CFHR3: variants seen among roughly 807,000 people sequenced by gnomAD.
The protein encoded by CFHR3 is complement factor H-related protein 3.
In CFHR3, 22 loss-of-function variants were observed where a neutral mutation model predicts 36.0. The observed-to-expected ratio is 0.61, with a 90% CI of 0.44 to 0.87. CFHR3 has a LOEUF of 0.87. CFHR3 is among the 40% of genes least tolerant of loss of function. The pLI, the probability that CFHR3 is intolerant of heterozygous loss-of-function variation, is 0.00. For synonymous variants in CFHR3, 97 were observed against 137.4 expected (o/e 0.71, Z 2.06); for missense variants, 276 against 401.3 (o/e 0.69, Z 2.67).
At position 196,787,869 on chromosome 1, in the gene CFHR3, T is replaced by C. The variant is rs1654270233; in HGVS notation, c.431-347T>C. Among the ~76,000 whole-genome samples the C allele has an allele frequency of 1.5e-5, 2 of 136,908 alleles. 1 individual carries two copies. The highest frequency in any genetic ancestry group is 3.1e-5 in the Non-Finnish European group (2 of 64,552). The allele number at this position is 136,908 out of a possible 152,430, so 89.8% of individuals were successfully genotyped here. A position where few individuals can be genotyped will look rare whatever the true frequency, so the allele number is the denominator to read the frequency against. ...AATGAGGTTTAAGACCCCTTAATAG[T>C]ACCAAAAATACTCAGGTTGTTGCAA... On this transcript the variant is annotated intron_variant, in intron 3 of 5. Transcript: ENST00000367425.
chr1:196,787,183 C>A (rs1234710208), intron 3 of CFHR3, among the ~76,000 whole-genome samples: 3 of 137,268 alleles, frequency 2.2e-5, no homozygotes, highest in Non-Finnish European at 3.1e-5. Flanking sequence ...CTGTCCTCAA[C>A]AATAGCCTAA....
rs1488969968 is a variant in CFHR3 at position 196,791,924 on chromosome 1, T to C, written c.797-1393T>C. Among the ~76,000 whole-genome samples, 9 of 135,584 alleles carry C rather than the reference T, an allele frequency of 6.6e-5. 2 individuals carry two copies. Among genetic ancestry groups the C allele is most frequent in the East Asian group, 3.9e-4 (2 of 5,070 alleles). 88.9% of individuals were successfully genotyped at this position (135,584 alleles called of 152,430 possible). A position where few individuals can be genotyped will look rare whatever the true frequency, so the allele number is the denominator to read the frequency against. On this transcript the variant is annotated intron_variant, in intron 5 of 5. Coordinates refer to ENST00000367425, the MANE Select transcript of CFHR3 (RefSeq NM_021023.6). The stretch of plus-strand genomic sequence containing the variant: ...AAAGGATTATAATTATCTGAAGATA[T>C]AAGATCAGTTCTATGATACAAGCAA...
Position 196,793,618 on chromosome 1 carries a change from T to G in CFHR3, c.*105T>G. On this transcript the variant is annotated 3_prime_UTR_variant, in exon 6 of 6. Transcript: ENST00000367425. ...TAGCTTCTGATATTGTTGTAATTTC[T>G]ACTTTATTTCAAAGAAAATTAATAT... The G allele has an allele frequency of 9.0e-7, 1 of 1,105,654 alleles. No homozygotes were observed. Among genetic ancestry groups the G allele is most frequent in the Non-Finnish European group, 1.3e-6 (1 of 780,686 alleles). The allele number at this position is 1,105,654 out of a possible 1,614,324, so 68.5% of individuals were successfully genotyped here.
Position 196,791,832 on chromosome 1 carries a change from G to A in CFHR3, c.797-1485G>A, listed in dbSNP as rs1339149796. On this transcript the variant is annotated intron_variant, in intron 5 of 5. Coordinates refer to ENST00000367425, the MANE Select transcript of CFHR3 (RefSeq NM_021023.6). ...CTGAGTCTTAAATTTGATTGACTGA[G>A]GAGATGGACACTCCTAAGATGGGTT... Among the ~76,000 whole-genome samples, 2 of 136,140 alleles carry A rather than the reference G, an allele frequency of 1.5e-5. 1 individual carries two copies. Among genetic ancestry groups the A allele is most frequent in the African/African-American group, 6.2e-5 (2 of 32,308 alleles). The allele number at this position is 136,140 out of a possible 152,430, so 89.3% of individuals were successfully genotyped here. A position where few individuals can be genotyped will look rare whatever the true frequency, so the allele number is the denominator to read the frequency against.
intron 3 of CFHR3, among the ~76,000 whole-genome samples, chr1:196,787,811 C>T (rs1304912280): frequency 1.5e-5 from 2 of 136,786 alleles, no homozygotes; most frequent in South Asian, 2.6e-4. Context: ...GCAGGGTGTA[C>T]CGTATCTTTG....
chr1:196,780,015 C>G, intron 3 of CFHR3, 42 bp downstream of exon 3: 1 of 1,527,590 alleles, frequency 6.5e-7, no homozygotes, highest in Non-Finnish European at 8.9e-7. Context: ...TCATGTCTTT[C>G]TAAGTAACAC....
chr1:196,781,927 T>A (rs1259736709), intron 3 of CFHR3, among the ~76,000 whole-genome samples: 1 of 137,362 alleles, frequency 7.3e-6, no homozygotes, highest in Admixed American at 7.0e-5. Context: ...AGGGTTTTTA[T>A]GGTGTTAGGT....
intron 3 of CFHR3, among the ~76,000 whole-genome samples, chr1:196,781,372 A>G (rs590879): frequency 0.25 from 33,613 of 134,178 alleles, 8,771 homozygotes; most frequent in East Asian, 0.51. Context: ...CTGAGGAATC[A>G]CCACACTGTC....
intron 3 of CFHR3, among the ~76,000 whole-genome samples, chr1:196,785,339 G>GC (rs1654152212): frequency 7.5e-6 from 1 of 133,834 alleles, no homozygotes; most frequent in African/African-American, 3.2e-5. Flanking sequence ...TCCTGAATCT[G>GC]AATGTTGGCC....
intron 5 of CFHR3, among the ~76,000 whole-genome samples, chr1:196,792,559 A>G (rs1218269741): frequency 2.3e-5 from 3 of 129,638 alleles, no homozygotes; most frequent in East Asian, 4.0e-4. Flanking sequence ...TTTTTACAAA[A>G]GAATTTTATA....
intron 3 of CFHR3, among the ~76,000 whole-genome samples, chr1:196,785,387 C>T (rs1226148924): frequency 7.4e-6 from 1 of 134,434 alleles, no homozygotes; most frequent in Non-Finnish European, 1.6e-5. Context: ...TGGATAATAT[C>T]CTGCAGAGTG....
chr1:196,794,694 T>G lies in CFHR3; in HGVS notation c.*1181T>G, dbSNP rs1227822438. 1.9e-5 allele frequency: 6 copies of G among 318,676 alleles called. 1 individual carries two copies. The highest frequency in any genetic ancestry group is 3.6e-5 in the Non-Finnish European group (6 of 164,474). The allele number at this position is 318,676 out of a possible 1,614,324, so 19.7% of individuals were successfully genotyped here. On this transcript the variant is annotated 3_prime_UTR_variant, in exon 6 of 6. Transcript: ENST00000367425. The stretch of plus-strand genomic sequence containing the variant: ...ACTTTTCTTTGTATATAAGGATTTT[T>G]TGAAAAGATTGTATATCCCTGTTAA...
Position 196,781,470 on chromosome 1 carries a change from CCTGA to C in CFHR3, c.430+1500_430+1503del, listed in dbSNP as rs1396205555. ...ACATCCTCTCCAGCACCTGTTGTTT[CCTGA>C]CTTTTTAATGATTGCCATTCTAACT... is the stretch of plus-strand genomic sequence containing the variant. On this transcript the variant is annotated intron_variant, in intron 3 of 5. Transcript: ENST00000367425. Among the ~76,000 whole-genome samples, 14 of 134,020 alleles carry C rather than the reference CCTGA, an allele frequency of 1.0e-4. 3 individuals are homozygous for C. The highest frequency in any genetic ancestry group is 1.0e-3 in the Admixed American group (14 of 13,928). The allele number at this position is 134,020 out of a possible 152,430, so 87.9% of individuals were successfully genotyped here. A position where few individuals can be genotyped will look rare whatever the true frequency, so the allele number is the denominator to read the frequency against.
rs1299880203 is a variant in CFHR3, at chr1:196,786,316, C to A, written c.431-1900C>A. On this transcript the variant is annotated intron_variant, in intron 3 of 5. Transcript: ENST00000367425. ...GATCTCCAGCTGCGTGCTGGGAGAA[C>A]CACTGCTCTCTTCAAAGCTGTCAGA... Among the ~76,000 whole-genome samples, 4 of 134,910 alleles carry A rather than the reference C, an allele frequency of 3.0e-5. 2 individuals are homozygous for A. The allele number at this position is 134,910 out of a possible 152,430, so 88.5% of individuals were successfully genotyped here.
At chr1:196,782,346 A>G (rs1292103399) in intron 3 of CFHR3, among the ~76,000 whole-genome samples, 3 of 137,098 alleles carry the variant, frequency 2.2e-5, no homozygotes, top group Admixed American at 7.0e-5. Flanking sequence ...GAAGAAAGTC[A>G]TTGGTAGCTT....
Position 196,788,370 on chromosome 1 carries a change from T to A in CFHR3, c.585T>A (p.Asn195Lys), listed in dbSNP as rs1248549636. 17 of 1,530,256 alleles carry A rather than the reference T, an allele frequency of 1.1e-5. 1 individual carries two copies. Among genetic ancestry groups the A allele is most frequent in the Non-Finnish European group, 1.3e-5 (15 of 1,132,088 alleles). 94.8% of individuals were successfully genotyped at this position (1,530,256 alleles called of 1,614,324 possible). ...CAGGATCAATTACATGTTTGCAAAA[T>A]GGATGGTCAGCACAACCAATTTGCA... ...NSSGSITCLQ[N>K]GWSAQPICIN... Residue 195 changes from asparagine to lysine, a missense_variant, in exon 4 of 6, where the codon AAT (asparagine) becomes AAA (lysine). By Grantham distance (94) the Asn-to-Lys change is moderately conservative. Coordinates refer to ENST00000367425, the MANE Select transcript of CFHR3 (RefSeq NM_021023.6).
chr1:196,780,858 A>T (rs1423161184), intron 3 of CFHR3, among the ~76,000 whole-genome samples: 2 of 132,872 alleles, frequency 1.5e-5, no homozygotes, highest in Non-Finnish European at 3.2e-5. Flanking sequence ...TGTGCAGGTT[A>T]GTTACATATG....
chr1:196,793,277 G>A, intron 5 of CFHR3, 40 bp from the exon 6 acceptor site: 1 of 1,451,172 alleles, frequency 6.9e-7, no homozygotes, highest in Non-Finnish European at 9.3e-7. Flanking sequence ...GCTCATGAAA[G>A]AGAAAATTAT....
At chr1:196,783,118 T>G (rs1354911782) in intron 3 of CFHR3, among the ~76,000 whole-genome samples, 2 of 137,008 alleles carry the variant, frequency 1.5e-5, no homozygotes, top group Non-Finnish European at 3.1e-5. Context: ...TTGATTTGCG[T>G]ATATTGAACT....
Sources: allele counts gnomAD v4.1 joint callset (sites outside exome capture counted in the v4.1 genomes callset), GRCh38; gene constraint gnomAD v4.1.1; transcripts MANE v1.5; gene names NCBI Gene and HGNC (gene_info 2026-07-23, HGNC 2026-07-21).